Variants in SSPN observed in about 807,000 individuals in gnomAD.
SSPN encodes the protein K-ras oncogene-associated protein.
A neutral mutation model predicts 19.1 loss-of-function variants in SSPN; 15 were observed. The ratio of observed to expected loss-of-function variants is 0.78; its 90% CI spans 0.52 to 1.21. The LOEUF (loss-of-function observed/expected upper bound fraction) is 1.21. Among genes scored for constraint, SSPN ranks in the 50% most tolerant of loss-of-function variants. The probability of loss-of-function intolerance (pLI) is 0.00; values close to 1 mark genes in which losing one functional copy is unlikely to be tolerated. For missense variants in SSPN, 291 were observed against 314.0 expected (o/e 0.93, Z 0.55); for synonymous variants, 147 against 140.3 (o/e 1.05, Z -0.34).
chr12:26,213,935 A>G (rs928682223), intron 1 of SSPN, among the ~76,000 whole-genome samples: 4 of 152,102 alleles, frequency 2.6e-5, no homozygotes, highest in African/African-American at 9.7e-5. Flanking sequence ...TAGTATCTCC[A>G]AGCCTCAAAG....
chr12:26,188,547 TC>T (rs1341073206), intron 1 of SSPN, among the ~76,000 whole-genome samples: 2 of 152,210 alleles, frequency 1.3e-5, no homozygotes, highest in African/African-American at 4.8e-5. Flanking sequence ...TAATTATAAT[TC>T]ATCCCTGTGT....
chr12:26,125,362 T>C (rs866177621), intron 1 of SSPN: 7 of 224,534 alleles, frequency 3.1e-5, no homozygotes, highest in African/African-American at 1.6e-4. Flanking sequence ...GTTCGTCCGT[T>C]GTTACGGTGC....
chr12:26,183,223 C>A (rs1443531221), intron 1 of SSPN, among the ~76,000 whole-genome samples: 1 of 152,112 alleles, frequency 6.6e-6, no homozygotes, highest in Non-Finnish European at 1.5e-5. Flanking sequence ...TTTATGATAA[C>A]CCCTTGTACT....
At chr12:26,207,074 C>T (rs570323021) in intron 1 of SSPN, among the ~76,000 whole-genome samples, 2 of 152,082 alleles carry the variant, frequency 1.3e-5, no homozygotes, top group Non-Finnish European at 2.9e-5. Flanking sequence ...CATGATGAAC[C>T]CTCAGGGTAA....
intron 1 of SSPN, among the ~76,000 whole-genome samples, chr12:26,207,175 A>G (rs1944938208): frequency 6.6e-6 from 1 of 152,240 alleles, no homozygotes; most frequent in Non-Finnish European, 1.5e-5. Flanking sequence ...CTAATGTAGA[A>G]TCATTTTCCA....
At chr12:26,142,793 G>C (rs1214872610) in intron 1 of SSPN, among the ~76,000 whole-genome samples, 1 of 152,216 alleles carries the variant, frequency 6.6e-6, no homozygotes, top group Non-Finnish European at 1.5e-5. Flanking sequence ...GTCTAAGAGT[G>C]AGACCAAGAA....
intron 2 of SSPN, among the ~76,000 whole-genome samples, chr12:26,229,016 A>G (rs1945204924): frequency 6.6e-6 from 1 of 152,174 alleles, no homozygotes; most frequent in Admixed American, 6.5e-5. Flanking sequence ...ACCACTTTGT[A>G]TATATCTGGT....
intron 1 of SSPN, among the ~76,000 whole-genome samples, chr12:26,208,863 T>C (rs1250945881): frequency 6.6e-6 from 1 of 152,166 alleles, no homozygotes; most frequent in Admixed American, 6.5e-5. Context: ...TCTGTCAAGT[T>C]TCCATATTAG....
chr12:26,140,927 C>T (rs1944456989), intron 1 of SSPN, among the ~76,000 whole-genome samples: 1 of 152,182 alleles, frequency 6.6e-6, no homozygotes, highest in Admixed American at 6.6e-5. Context: ...CACAGGAACT[C>T]TTAAAATATA....
At chr12:26,222,236 G>T (rs1192592027) in intron 1 of SSPN, among the ~76,000 whole-genome samples, 2 of 152,298 alleles carry the variant, frequency 1.3e-5, no homozygotes, top group Non-Finnish European at 2.9e-5. Flanking sequence ...TTCAATGATG[G>T]AAAACCCTGG....
At chr12:26,208,438 T>C (rs1164144985) in intron 1 of SSPN, among the ~76,000 whole-genome samples, 1 of 152,174 alleles carries the variant, frequency 6.6e-6, no homozygotes, top group Non-Finnish European at 1.5e-5. Flanking sequence ...TTTCTATGGG[T>C]TGTTCGTTTC....
chr12:26,210,549 A>G (rs917915433), intron 1 of SSPN, among the ~76,000 whole-genome samples: 1 of 151,468 alleles, frequency 6.6e-6, no homozygotes, highest in Admixed American at 6.6e-5. Context: ...TCCCCCTTAC[A>G]ATTTATTTAT....
intron 1 of SSPN, among the ~76,000 whole-genome samples, chr12:26,218,330 G>T (rs1424702991): frequency 0.011 from 97 of 9,202 alleles, 6 homozygotes; most frequent in African/African-American, 0.082. Flanking sequence ...GGTGGGGGGA[G>T]GGGGGAGGGG....
Position 26,182,581 on chromosome 12 carries a change from C to CCCCTTCCCTT in SSPN, c.-30-41652_-30-41643dup, listed in dbSNP as rs67332101. ...CCCCGTCTCCCTTCCCCTTCCCCTT[C>CCCCTTCCCTT]CCCTTCCCTTCCCTTCCCTTCCCTT... On this transcript the variant is annotated intron_variant, in intron 1 of 2. Coordinates refer to the SSPN transcript ENST00000538142. 8.5e-3 allele frequency among the ~76,000 whole-genome samples: 849 copies of CCCCTTCCCTT among 100,330 alleles called. 6 individuals are homozygous for CCCCTTCCCTT. The highest frequency in any genetic ancestry group is 9.9e-3 in the Admixed American group (102 of 10,290). The allele number at this position is 100,330 out of a possible 152,430, so 65.8% of individuals were successfully genotyped here. A position where few individuals can be genotyped will look rare whatever the true frequency, so the allele number is the denominator to read the frequency against.
intron 1 of SSPN, among the ~76,000 whole-genome samples, chr12:26,223,072 AC>A (rs1945139452): frequency 6.6e-6 from 1 of 152,032 alleles, no homozygotes; most frequent in Non-Finnish European, 1.5e-5. Context: ...CTGCCAACCC[AC>A]CCAACATCAC....
intron 1 of SSPN, among the ~76,000 whole-genome samples, chr12:26,143,778 A>G (rs1944474021): frequency 6.6e-6 from 1 of 152,218 alleles, no homozygotes; most frequent in South Asian, 2.1e-4. Context: ...TGGGCGGTGG[A>G]CATGCAAGTA....
intron 1 of SSPN, among the ~76,000 whole-genome samples, chr12:26,203,691 T>C (rs527557893): frequency 6.6e-6 from 1 of 152,294 alleles, no homozygotes; most frequent in East Asian, 1.9e-4. Context: ...TTTCTTTCTG[T>C]CTTAGTCGGC....
Position 26,231,172 on chromosome 12 carries a change from A to T in SSPN, c.*96A>T. On this transcript the variant is annotated 3_prime_UTR_variant, in exon 3 of 3. Coordinates refer to ENST00000242729, the MANE Select transcript of SSPN (RefSeq NM_005086.5). ...TTAAACAAAGAAAGGAAAAAAATTGACAATAAAAGTCACTCTTCTAATTGA... is the reference window on the plus strand; with the variant it reads ...TTAAACAAAGAAAGGAAAAAAATTGTCAATAAAAGTCACTCTTCTAATTGA... The T allele has an allele frequency of 7.2e-7, 1 of 1,395,746 alleles. No individual in the cohort carries two copies. The highest frequency in any genetic ancestry group is 2.5e-5 in the East Asian group (1 of 39,584). 86.5% of individuals were successfully genotyped at this position (1,395,746 alleles called of 1,614,324 possible).
chr12:26,169,648 TGG>T lies in SSPN; in HGVS notation c.-31+47500_-31+47501del, dbSNP rs541055068. On this transcript the variant is annotated intron_variant, in intron 1 of 2. Coordinates refer to the SSPN transcript ENST00000538142. ...TCTTCCTTTCAGGACAGCCAGGCTA[TGG>T]GGGTGGCTAATGAAGGAGAGAAGAG... Among the ~76,000 whole-genome samples, 141 of 152,116 alleles carry T rather than the reference TGG, an allele frequency of 9.3e-4. 1 individual carries two copies. Among genetic ancestry groups the T allele is most frequent in the African/African-American group, 3.2e-3 (134 of 41,514 alleles).
Sources: gnomAD v4.1 joint callset for allele counts (sites outside exome capture counted in the v4.1 genomes callset) on GRCh38, gnomAD v4.1.1 for gene constraint, MANE v1.5 for transcripts, NCBI Gene and HGNC (gene_info 2026-07-23, HGNC 2026-07-21) for gene names.